NOL10: variants seen among roughly 807,000 people sequenced by gnomAD.
NOL10 encodes the protein H_NH0074G24.1.
NOL10 carries 58 observed loss-of-function variants against 103.5 expected under a neutral mutation model. That is an observed-to-expected ratio of 0.56 (90% confidence interval 0.45 to 0.70). The LOEUF is 0.70. Ranked by LOEUF, NOL10 falls within the 30% of genes least tolerant of loss-of-function variation. The probability of loss-of-function intolerance (pLI) is 0.00; values close to 1 mark genes in which losing one functional copy is unlikely to be tolerated. For missense variants in NOL10, 763 were observed against 807.3 expected, an observed-to-expected ratio of 0.95 and a Z score of 0.67; for synonymous variants, 287 against 282.5, an observed-to-expected ratio of 1.02 and a Z score of -0.16.
rs569708323 is a variant in NOL10, at chr2:10,685,827, A to G, written c.67-1215T>C. On this transcript the variant is annotated intron_variant, in intron 1 of 20. Transcript: ENST00000381685. The stretch of plus-strand genomic sequence containing the variant: ...AGTGGTTCATATCTATAATCCCAGC[A>G]CTGAGGCAAGGGGATCACTTGAGCC... 2.6e-5 allele frequency among the ~76,000 whole-genome samples: 4 copies of G among 151,928 alleles called. No individual in the cohort carries two copies. In the South Asian group the frequency reaches 6.3e-4, roughly 24 times the overall value.
At chr2:10,663,132 C>T (rs1680315849) in intron 8 of NOL10, 88 bp from the exon 9 acceptor site, 16 of 1,018,422 alleles carry the variant, frequency 1.6e-5, no homozygotes, top group Non-Finnish European at 2.4e-5. Flanking sequence ...TTTGGGAGGC[C>T]GAGGCGGGCT....
At chr2:10,631,391 T>C (rs1186804286) in intron 13 of NOL10, among the ~76,000 whole-genome samples, 1 of 152,196 alleles carries the variant, frequency 6.6e-6, no homozygotes, top group African/African-American at 2.4e-5. Context: ...ACAATAAGGC[T>C]GTCATACTCT....
intron 13 of NOL10, among the ~76,000 whole-genome samples, chr2:10,617,192 A>T (rs1316083313): frequency 6.6e-6 from 1 of 152,270 alleles, no homozygotes; most frequent in East Asian, 1.9e-4. Flanking sequence ...GGCAGGAGGG[A>T]GTGACCCTCA....
chr2:10,622,444 T>C (rs1677202231), intron 13 of NOL10, among the ~76,000 whole-genome samples: 1 of 149,704 alleles, frequency 6.7e-6, no homozygotes, highest in Admixed American at 6.6e-5. Flanking sequence ...CTTGGTTATG[T>C]ATTGTTACAA....
chr2:10,596,268 G>GGGGGGGGGGGGGGGA (rs1553298216), intron 17 of NOL10, among the ~76,000 whole-genome samples: 4 of 81,382 alleles, frequency 4.9e-5, no homozygotes, highest in African/African-American at 3.0e-4. Flanking sequence ...GGGGGCGGGG[G>GGGGGGGGGGGGGGGA]GCGGGCGCGA....
chr2:10,673,884 G>T (rs1478051045), intron 4 of NOL10, among the ~76,000 whole-genome samples: 1 of 151,736 alleles, frequency 6.6e-6, no homozygotes, highest in Non-Finnish European at 1.5e-5. Context: ...ATACATTAAA[G>T]AACAAAAAAA....
chr2:10,687,954 G>A (rs929609450), intron 1 of NOL10, among the ~76,000 whole-genome samples: 5 of 152,026 alleles, frequency 3.3e-5, no homozygotes, highest in Admixed American at 1.3e-4. Context: ...TGCTCACTAC[G>A]TTCCTCCTCT....
intron 19 of NOL10, among the ~76,000 whole-genome samples, chr2:10,588,469 A>G (rs1024438877): frequency 9.2e-5 from 14 of 152,204 alleles, no homozygotes; most frequent in Non-Finnish European, 7.3e-5. Flanking sequence ...TTCCTGAAAA[A>G]GACTTAAAAT....
chr2:10,687,969 C>A (rs1248230847), intron 1 of NOL10, among the ~76,000 whole-genome samples: 4 of 152,156 alleles, frequency 2.6e-5, no homozygotes, highest in African/African-American at 7.2e-5. Flanking sequence ...TCCTCTCCAC[C>A]TTTCAATGTG....
At chr2:10,602,422 G>A (rs1008831478) in intron 16 of NOL10, among the ~76,000 whole-genome samples, 4 of 152,156 alleles carry the variant, frequency 2.6e-5, no homozygotes, top group Non-Finnish European at 5.9e-5. Context: ...CCTAAGATAC[G>A]GCCAAAGGTC....
intron 19 of NOL10, among the ~76,000 whole-genome samples, chr2:10,586,381 T>A (rs1430070523): frequency 3.3e-5 from 5 of 152,238 alleles, no homozygotes; most frequent in Admixed American, 2.6e-4. Flanking sequence ...GTTACATTAC[T>A]AACAACCAGT....
At chr2:10,633,987 T>C (rs1678019080) in intron 13 of NOL10, among the ~76,000 whole-genome samples, 1 of 151,978 alleles carries the variant, frequency 6.6e-6, no homozygotes. Flanking sequence ...TCACCACACC[T>C]GGTTAATTTT....
intron 20 of NOL10, among the ~76,000 whole-genome samples, chr2:10,576,493 GT>G (rs1674457070): frequency 6.6e-6 from 1 of 152,132 alleles, no homozygotes; most frequent in African/African-American, 2.4e-5. Flanking sequence ...AGCAAAATGT[GT>G]TATATACGTA....
At chr2:10,650,468 A>G (rs1679388475) in intron 12 of NOL10, among the ~76,000 whole-genome samples, 1 of 152,220 alleles carries the variant, frequency 6.6e-6, no homozygotes. Context: ...ACTAGGCCAC[A>G]ACAATCTTCA....
At chr2:10,578,559 T>G (rs1298710216) in intron 19 of NOL10, among the ~76,000 whole-genome samples, 2 of 152,222 alleles carry the variant, frequency 1.3e-5, no homozygotes, top group Non-Finnish European at 2.9e-5. Context: ...GTGCCCTGCA[T>G]TTCACTGTCA....
chr2:10,665,677 A>T (rs1325320993), intron 8 of NOL10, among the ~76,000 whole-genome samples: 2 of 152,208 alleles, frequency 1.3e-5, no homozygotes, highest in Admixed American at 1.3e-4. Context: ...CCTGGTGTCT[A>T]GCCTAGACTG....
intron 13 of NOL10, chr2:10,622,230 T>G (rs1339644776): frequency 4.3e-6 from 2 of 463,978 alleles, no homozygotes; most frequent in African/African-American, 4.0e-5. Context: ...CAAAACACTA[T>G]GCAACTATTA....
At chr2:10,673,647 G>A (rs1319623108) in intron 4 of NOL10, 90 bp from the exon 5 acceptor site, 2 of 844,110 alleles carry the variant, frequency 2.4e-6, no homozygotes, top group Non-Finnish European at 3.7e-6. Flanking sequence ...ATTCAACACA[G>A]AAATTATATA....
chr2:10,681,755 C>G (rs891992471), intron 3 of NOL10, among the ~76,000 whole-genome samples: 1 of 152,102 alleles, frequency 6.6e-6, no homozygotes, highest in African/African-American at 2.4e-5. Flanking sequence ...AACAAAGAGA[C>G]AGATGCATGG....
Sources: gnomAD v4.1 joint callset for allele counts (sites outside exome capture counted in the v4.1 genomes callset) on GRCh38, gnomAD v4.1.1 for gene constraint, MANE v1.5 for transcripts, NCBI Gene and HGNC (gene_info 2026-07-23, HGNC 2026-07-21) for gene names.